Variants in ASTN2 observed in about 807,000 individuals in gnomAD.
The protein encoded by ASTN2 is astrotactin 2.
In ASTN2, 54 loss-of-function variants were observed where a neutral mutation model predicts 139.8. The ratio of observed to expected loss-of-function variants is 0.39; its 90% CI spans 0.31 to 0.48. The LOEUF (loss-of-function observed/expected upper bound fraction) is 0.48. Ranked by LOEUF, ASTN2 falls within the 20% of genes least tolerant of loss-of-function variation. The probability of loss-of-function intolerance (pLI) is 0.95; values close to 1 mark genes in which losing one functional copy is unlikely to be tolerated. For missense variants in ASTN2, 1,565 were observed against 1,725.1 expected (o/e 0.91, Z 1.64); for synonymous variants, 756 against 719.5 (o/e 1.05, Z -0.81).
chr9:117,115,807 C>T (rs572605880), intron 4 of ASTN2, among the ~76,000 whole-genome samples: 5 of 152,058 alleles, frequency 3.3e-5, no homozygotes, highest in Non-Finnish European at 5.9e-5. Flanking sequence ...AGGAGGATCA[C>T]GAAGTCAGGA....
chr9:117,240,070 A>G (rs546700254), intron 2 of ASTN2, among the ~76,000 whole-genome samples: 5 of 152,352 alleles, frequency 3.3e-5, no homozygotes, highest in African/African-American at 1.2e-4. Context: ...AAAATTTAGA[A>G]GTCAACCATA....
intron 10 of ASTN2, among the ~76,000 whole-genome samples, chr9:116,969,707 A>C (rs1473279010): frequency 6.6e-6 from 1 of 152,158 alleles, no homozygotes; most frequent in African/African-American, 2.4e-5. Context: ...TTTCTACTTA[A>C]GACTAAGTAG....
At chr9:117,364,295 C>A (rs1220444327) in intron 1 of ASTN2, among the ~76,000 whole-genome samples, 1 of 152,146 alleles carries the variant, frequency 6.6e-6, no homozygotes, top group African/African-American at 2.4e-5. Flanking sequence ...CAAGCATCAA[C>A]CCAATAAAGA....
chr9:117,377,323 G>A (rs1830149558), intron 1 of ASTN2, among the ~76,000 whole-genome samples: 1 of 152,190 alleles, frequency 6.6e-6, no homozygotes, highest in Non-Finnish European at 1.5e-5. Flanking sequence ...CTAAAACCCT[G>A]TTTTGGAAGC....
At chr9:116,683,062 A>T (rs892938975) in intron 16 of ASTN2, among the ~76,000 whole-genome samples, 4 of 148,604 alleles carry the variant, frequency 2.7e-5, no homozygotes, top group African/African-American at 7.4e-5. Flanking sequence ...AAAATAAATT[A>T]AAAAAAAAAG....
In ASTN2 at chr9:116,933,979, C is replaced by CTTTTTTTTTTTTTTTTTT. The variant is rs148724828; in HGVS notation, c.1889+41211_1889+41228dup. On this transcript the variant is annotated intron_variant, in intron 10 of 22. Transcript: ENST00000313400. Reference sequence around the variant, plus strand: ...ACCTCAGTTGTGCGAAGTGTTAGTCCTTTTTTTTTTTTTTTTTTTTTTTCT... The same window carrying CTTTTTTTTTTTTTTTTTT: ...ACCTCAGTTGTGCGAAGTGTTAGTCCTTTTTTTTTTTTTTTTTTTTTTTTTTTTTTTTTTTTTTTTTCT... 5.3e-3 allele frequency among the ~76,000 whole-genome samples: 462 copies of CTTTTTTTTTTTTTTTTTT among 86,832 alleles called. 67 individuals carry two copies. The highest frequency in any genetic ancestry group is 7.2e-3 in the African/African-American group (153 of 21,140). 57.0% of individuals were successfully genotyped at this position (86,832 alleles called of 152,430 possible).
intron 19 of ASTN2, among the ~76,000 whole-genome samples, chr9:116,591,417 C>T (rs565322337): frequency 6.6e-6 from 1 of 152,254 alleles, no homozygotes; most frequent in Non-Finnish European, 1.5e-5. Context: ...CCCCTCACCA[C>T]TCCATGGCTG....
chr9:116,983,827 G>C (rs1353500811), intron 7 of ASTN2, among the ~76,000 whole-genome samples: 1 of 152,128 alleles, frequency 6.6e-6, no homozygotes, highest in Non-Finnish European at 1.5e-5. Flanking sequence ...GGCTGTGGCT[G>C]GTCCATGAAG....
At chr9:116,808,706 A>C (rs904757734) in intron 12 of ASTN2, among the ~76,000 whole-genome samples, 8 of 152,192 alleles carry the variant, frequency 5.3e-5, no homozygotes, top group African/African-American at 1.9e-4. Context: ...TGCTTGGTTA[A>C]TGTTTTATGA....
intron 6 of ASTN2, among the ~76,000 whole-genome samples, chr9:117,022,375 T>C (rs1253811470): frequency 6.6e-6 from 1 of 151,408 alleles, no homozygotes; most frequent in Non-Finnish European, 1.5e-5. Flanking sequence ...GCAAAGAAGA[T>C]GCATACCCTT....
intron 4 of ASTN2, among the ~76,000 whole-genome samples, chr9:117,106,946 C>T (rs1356286606): frequency 6.6e-6 from 1 of 152,076 alleles, no homozygotes; most frequent in Admixed American, 6.5e-5. Context: ...TTTATATGTA[C>T]AAAATATTCA....
intron 2 of ASTN2, among the ~76,000 whole-genome samples, chr9:117,282,073 C>T (rs1488760813): frequency 2.6e-5 from 4 of 152,058 alleles, no homozygotes; most frequent in Non-Finnish European, 5.9e-5. Flanking sequence ...TTTCATTTTC[C>T]CCCATCTCTG....
chr9:117,302,044 C>A (rs1274071662), intron 1 of ASTN2, among the ~76,000 whole-genome samples: 5 of 148,704 alleles, frequency 3.4e-5, no homozygotes, highest in African/African-American at 1.0e-4. Context: ...TTCTATCTCA[C>A]CACTGTCAAG....
In ASTN2 at chr9:117,042,080, T is replaced by C. The variant is rs1268173762; in HGVS notation, c.1277-2115A>G. Among the ~76,000 whole-genome samples the C allele has an allele frequency of 2.6e-5, 4 of 152,298 alleles. No homozygotes were observed. In the East Asian group the frequency reaches 5.8e-4, roughly 22 times the overall value. ...TTGCAGAATCTCAGTAAGTGCATGA[T>C]GACTCCCATAAATGACAGTAACAAT... On this transcript the variant is annotated intron_variant, in intron 5 of 22. Coordinates refer to ENST00000313400, the MANE Select transcript of ASTN2 (RefSeq NM_001365068.1).
chr9:116,828,615 G>A (rs13283910), intron 11 of ASTN2, among the ~76,000 whole-genome samples: 120,153 of 151,506 alleles, frequency 0.79, 47,828 homozygotes, highest in East Asian at 0.91. Flanking sequence ...TCTTACTGGG[G>A]AAAAAAAAGC....
chr9:117,290,302 G>A (rs1448175705), intron 2 of ASTN2, among the ~76,000 whole-genome samples: 1 of 152,240 alleles, frequency 6.6e-6, no homozygotes, highest in Non-Finnish European at 1.5e-5. Flanking sequence ...GAGCCCATTA[G>A]ACTCTGTGCT....
At position 116,790,998 on chromosome 9, in the gene ASTN2, AG is replaced by A. The variant is rs1416658263; in HGVS notation, c.2396+14633del. Among the ~76,000 whole-genome samples the A allele has an allele frequency of 1.8e-3, 209 of 118,904 alleles. 1 individual carries two copies. The highest frequency in any genetic ancestry group is 4.4e-3 in the South Asian group (14 of 3,178). The allele number at this position is 118,904 out of a possible 152,430, so 78.0% of individuals were successfully genotyped here. A position where few individuals can be genotyped will look rare whatever the true frequency, so the allele number is the denominator to read the frequency against. On this transcript the variant is annotated intron_variant, in intron 13 of 22. Coordinates refer to ENST00000313400, the MANE Select transcript of ASTN2 (RefSeq NM_001365068.1). ...AAGAAAGAAAGAAAGAAAGAAAGAA[AG>A]AAAGAAAGAAAGAAAGAAAGAAAGA...
chr9:116,449,323 T>C (rs10983160), intron 20 of ASTN2, among the ~76,000 whole-genome samples: 32,649 of 152,018 alleles, frequency 0.21, 3,737 homozygotes, highest in Middle Eastern at 0.3. Context: ...GGAGGATCAT[T>C]TGAGCCTGGG....
intron 5 of ASTN2, among the ~76,000 whole-genome samples, chr9:117,053,850 T>C (rs181158181): frequency 1.1e-4 from 17 of 152,306 alleles, no homozygotes; most frequent in African/African-American, 4.1e-4. Flanking sequence ...AACACACCCA[T>C]CTCCAGATCC....
Sources: allele counts gnomAD v4.1 joint callset (sites outside exome capture counted in the v4.1 genomes callset), GRCh38; gene constraint gnomAD v4.1.1; transcripts MANE v1.5; gene names NCBI Gene and HGNC (gene_info 2026-07-23, HGNC 2026-07-21).